Variants in CSMD2 observed in about 807,000 individuals in gnomAD.
The protein encoded by CSMD2 is CUB and sushi domain-containing protein 2.
Under a neutral mutation model 398.5 loss-of-function variants are expected in CSMD2, and 130 were observed. The observed-to-expected ratio is 0.33, with a 90% CI of 0.28 to 0.38. The LOEUF is 0.38. Ranked by LOEUF, CSMD2 falls within the 10% of genes least tolerant of loss-of-function variation. The pLI, the probability that CSMD2 is intolerant of heterozygous loss-of-function variation, is 1.00. For synonymous variants in CSMD2, 1,828 were observed against 1,908.5 expected (o/e 0.96, Z 1.10); for missense variants, 3,829 against 4,764.9 (o/e 0.80, Z 5.78).
At position 33,614,552 on chromosome 1, in the gene CSMD2, G is replaced by C; in HGVS notation, c.6085C>G (p.Pro2029Ala). The C allele has an allele frequency of 1.2e-6, 2 of 1,612,774 alleles. No individual in the cohort carries two copies. The change falls in exon 40 of 71, where the codon CCC becomes GCC. Residue 2029 changes from proline (P) to alanine (A), a missense_variant. Coordinates refer to ENST00000373381, the MANE Select transcript of CSMD2 (RefSeq NM_001281956.2). The part of the protein sequence containing the change: ...ILSPGFPGNY[P>A]SNMDCSWKIA... ...TTCCAGGAGCAGTCCATGTTACTGG[G>C]GTAGTTGCCTGGGAAGCCGGGGCTC...
chr1:34,089,366 C>T (rs780969139), intron 1 of CSMD2, among the ~76,000 whole-genome samples, 173 bp from the exon 2 acceptor site: 12 of 152,110 alleles, frequency 7.9e-5, no homozygotes, highest in Non-Finnish European at 1.6e-4. Context: ...CGTTGATTGT[C>T]GGCTTGCTGT....
intron 57 of CSMD2, among the ~76,000 whole-genome samples, chr1:33,543,451 T>C (rs947590939): frequency 6.6e-6 from 1 of 152,268 alleles, no homozygotes; most frequent in African/African-American, 2.4e-5. Context: ...AGTTCCTTCC[T>C]GTAATCAAGT....
chr1:33,583,792 C>T lies in CSMD2; in HGVS notation c.7090G>A (p.Gly2364Ser), dbSNP rs1638887773. ...GGGTAGCTCTGGCTCAGGATCACGCCTGTGGAGTCTGTCAGAAGCTCATTT... is the reference window on the plus strand; with the variant it reads ...GGGTAGCTCTGGCTCAGGATCACGCTTGTGGAGTCTGTCAGAAGCTCATTT... ...PTNELLTDST[G>S]VILSQSYPGS... Residue 2364 changes from glycine to serine, a missense_variant, in exon 47 of 71, where the codon GGC (glycine) becomes AGC (serine). Coordinates refer to ENST00000373381, the MANE Select transcript of CSMD2 (RefSeq NM_001281956.2). 6.2e-7 allele frequency: 1 copy of T among 1,614,028 alleles called. No homozygotes were observed. The highest frequency in any genetic ancestry group is 1.3e-5 in the African/African-American group (1 of 74,924).
chr1:33,593,941 C>T (rs1019379004), intron 44 of CSMD2, among the ~76,000 whole-genome samples: 1 of 152,130 alleles, frequency 6.6e-6, no homozygotes, highest in Non-Finnish European at 1.5e-5. Flanking sequence ...CCTTATTTCT[C>T]TAGTGATCAA....
chr1:33,735,993 G>A (rs899754573), intron 15 of CSMD2, among the ~76,000 whole-genome samples: 2 of 152,080 alleles, frequency 1.3e-5, no homozygotes, highest in African/African-American at 4.8e-5. Flanking sequence ...CACCCTAAGT[G>A]GCATCAGGCT....
intron 32 of CSMD2, among the ~76,000 whole-genome samples, chr1:33,630,093 GCTTC>G (rs1283789301): frequency 6.8e-6 from 1 of 147,706 alleles, no homozygotes; most frequent in African/African-American, 2.5e-5. Flanking sequence ...TTCCTTCCTT[GCTTC>G]CTTCCTTCCT....
intron 5 of CSMD2, among the ~76,000 whole-genome samples, chr1:33,900,777 T>A (rs1472730076): frequency 2.1e-5 from 3 of 144,938 alleles, no homozygotes; most frequent in Non-Finnish European, 3.0e-5. Flanking sequence ...CAAAACTCCA[T>A]CTCAAAAAAA....
Position 34,120,395 on chromosome 1 carries a change from A to G in CSMD2, c.188-31202T>C, listed in dbSNP as rs114890890. Reference sequence around the variant, plus strand: ...GTGCACAATAAGGCACATATAGTTAACACTACTGTGCTGTATAGTTAGTGG... The same window carrying G: ...GTGCACAATAAGGCACATATAGTTAGCACTACTGTGCTGTATAGTTAGTGG... On this transcript the variant is annotated intron_variant, in intron 1 of 70. Transcript: ENST00000373381. Among the ~76,000 whole-genome samples the G allele has an allele frequency of 3.9e-3, 601 of 152,310 alleles. 6 individuals are homozygous for G. The highest frequency in any genetic ancestry group is 0.029 in the South Asian group (139 of 4,814).
At chr1:33,982,333 G>GCACAGTGC (rs949811606) in intron 3 of CSMD2, among the ~76,000 whole-genome samples, 2 of 152,132 alleles carry the variant, frequency 1.3e-5, no homozygotes, top group Non-Finnish European at 1.5e-5. Context: ...CTGCACAGTG[G>GCACAGTGC]CACAGTGCCA....
At chr1:33,765,940 G>A (rs1650428549) in intron 13 of CSMD2, among the ~76,000 whole-genome samples, 1 of 152,216 alleles carries the variant, frequency 6.6e-6, no homozygotes, top group Non-Finnish European at 1.5e-5. Flanking sequence ...GTCGGCTGAA[G>A]AAAGGCCAAG....
intron 5 of CSMD2, among the ~76,000 whole-genome samples, chr1:33,847,407 A>C (rs1030688103): frequency 6.6e-6 from 1 of 151,874 alleles, no homozygotes; most frequent in Non-Finnish European, 1.5e-5. Flanking sequence ...TCACATCTGC[A>C]GTAAAGCATT....
intron 5 of CSMD2, among the ~76,000 whole-genome samples, chr1:33,907,589 A>G (rs1643179712): frequency 6.6e-6 from 1 of 152,092 alleles, no homozygotes; most frequent in Admixed American, 6.6e-5. Flanking sequence ...GATGCTAGAG[A>G]TCTACCTCGT....
chr1:34,018,565 C>T (rs981716694), intron 3 of CSMD2, among the ~76,000 whole-genome samples: 10 of 152,178 alleles, frequency 6.6e-5, no homozygotes, highest in Non-Finnish European at 1.5e-4. Flanking sequence ...TCATACCCAC[C>T]GAAGTTCTTC....
At chr1:33,632,662 T>C (rs677357) in intron 32 of CSMD2, among the ~76,000 whole-genome samples, 9,615 of 152,244 alleles carry the variant, frequency 0.063, 408 homozygotes, top group East Asian at 0.13. Context: ...ACTGACAAGA[T>C]CTTTCTAGAG....
intron 56 of CSMD2, among the ~76,000 whole-genome samples, chr1:33,549,430 A>C (rs894856734): frequency 6.6e-6 from 1 of 152,236 alleles, no homozygotes; most frequent in Admixed American, 6.5e-5. Flanking sequence ...CTAATATTTT[A>C]GCTTGGTGGT....
intron 13 of CSMD2, among the ~76,000 whole-genome samples, chr1:33,746,789 G>A (rs1647443309): frequency 6.6e-6 from 1 of 152,248 alleles, no homozygotes; most frequent in South Asian, 2.1e-4. Flanking sequence ...GTACCTAATG[G>A]TTGAAACCAT....
intron 3 of CSMD2, among the ~76,000 whole-genome samples, chr1:33,982,621 G>C (rs10914826): frequency 0.24 from 36,790 of 152,184 alleles, 5,549 homozygotes; most frequent in Non-Finnish European, 0.34. Flanking sequence ...TTGAATGACT[G>C]AATGAATGAC....
At chr1:33,980,922 G>T (rs12034181) in intron 3 of CSMD2, among the ~76,000 whole-genome samples, 2 of 152,168 alleles carry the variant, frequency 1.3e-5, no homozygotes, top group Non-Finnish European at 2.9e-5. Context: ...GCAAAGGTCA[G>T]GTAGTGGGAG....
chr1:33,661,685 TA>T (rs1217982059), intron 26 of CSMD2, among the ~76,000 whole-genome samples: 1 of 152,202 alleles, frequency 6.6e-6, no homozygotes, highest in Non-Finnish European at 1.5e-5. Flanking sequence ...TTTATAAGTA[TA>T]AAGCAATGTG....
Sources: gnomAD v4.1 joint callset for allele counts (sites outside exome capture counted in the v4.1 genomes callset) on GRCh38, gnomAD v4.1.1 for gene constraint, MANE v1.5 for transcripts, NCBI Gene and HGNC (gene_info 2026-07-23, HGNC 2026-07-21) for gene names.